ADGRL3: variants seen among roughly 807,000 people sequenced by gnomAD.
ADGRL3 encodes adhesion G protein-coupled receptor L3, also known as calcium-independent alpha-latrotoxin receptor 3.
ADGRL3 carries 62 observed loss-of-function variants against 153.5 expected under a neutral mutation model. The ratio of observed to expected loss-of-function variants is 0.40; its 90% CI spans 0.33 to 0.50. ADGRL3 has a LOEUF of 0.50. Ranked by LOEUF, ADGRL3 falls within the 20% of genes least tolerant of loss-of-function variation. The pLI is 0.47. For synonymous variants in ADGRL3, 710 were observed against 672.5 expected (o/e 1.06, Z -0.86); for missense variants, 1,641 against 1,859.4 (o/e 0.88, Z 2.16).
intron 5 of ADGRL3, among the ~76,000 whole-genome samples, chr4:61,659,633 T>C (rs1274933224): frequency 6.6e-6 from 1 of 152,184 alleles, no homozygotes; most frequent in Non-Finnish European, 1.5e-5. Context: ...AGGAATACCT[T>C]GAATCGAGAA....
chr4:61,659,517 AT>A (rs1279206417), intron 5 of ADGRL3, among the ~76,000 whole-genome samples: 1 of 152,174 alleles, frequency 6.6e-6, no homozygotes, highest in Non-Finnish European at 1.5e-5. Context: ...CTAATTTGCT[AT>A]TTAAAAAACA....
intron 9 of ADGRL3, among the ~76,000 whole-genome samples, chr4:61,818,570 C>T (rs1455912940): frequency 6.6e-6 from 1 of 152,138 alleles, no homozygotes; most frequent in Non-Finnish European, 1.5e-5. Flanking sequence ...ATGGTTCAGT[C>T]ACCTCCCACT....
intron 1 of ADGRL3, among the ~76,000 whole-genome samples, chr4:61,261,194 T>G (rs56236341): frequency 0.026 from 1,985 of 77,426 alleles, 27 homozygotes; most frequent in African/African-American, 0.049. Flanking sequence ...TTCTTCTTTT[T>G]TTTTTTTTTT....
intron 1 of ADGRL3, among the ~76,000 whole-genome samples, chr4:61,246,875 A>G (rs554082772): frequency 7.6e-4 from 116 of 152,044 alleles, no homozygotes; most frequent in South Asian, 4.1e-3. Context: ...AATTGGAATA[A>G]ATGCTAAGAT....
chr4:61,316,615 C>T (rs1185154226), intron 1 of ADGRL3, among the ~76,000 whole-genome samples: 1 of 152,040 alleles, frequency 6.6e-6, no homozygotes, highest in Non-Finnish European at 1.5e-5. Context: ...ACTGCTGGTG[C>T]GGTGGGAGTA....
chr4:61,445,466 T>C (rs1315991864), intron 2 of ADGRL3, among the ~76,000 whole-genome samples: 1 of 152,216 alleles, frequency 6.6e-6, no homozygotes, highest in East Asian at 1.9e-4. Flanking sequence ...TAACTTGGGT[T>C]CTAAAGTGCA....
intron 8 of ADGRL3, among the ~76,000 whole-genome samples, chr4:61,788,923 C>G (rs1038228065): frequency 4.0e-5 from 6 of 151,850 alleles, no homozygotes; most frequent in African/African-American, 1.5e-4. Context: ...GTTTTAAAAC[C>G]AATTATGGAA....
intron 4 of ADGRL3, among the ~76,000 whole-genome samples, chr4:61,583,392 A>G (rs2098933898): frequency 6.6e-6 from 1 of 152,088 alleles, no homozygotes; most frequent in Non-Finnish European, 1.5e-5. Flanking sequence ...TCAGTAGGGG[A>G]GAGACCCCAA....
chr4:62,006,577 AT>A (rs34336604), intron 21 of ADGRL3, among the ~76,000 whole-genome samples: 34,844 of 130,586 alleles, frequency 0.27, 4,075 homozygotes, highest in South Asian at 0.41. Flanking sequence ...CAATGTATAG[AT>A]TTTTTTTTTT....
chr4:61,341,946 T>C (rs1389632514), intron 1 of ADGRL3, among the ~76,000 whole-genome samples: 1 of 152,196 alleles, frequency 6.6e-6, no homozygotes, highest in East Asian at 1.9e-4. Flanking sequence ...AAAATGTAAG[T>C]GTTCTTTCTT....
intron 2 of ADGRL3, among the ~76,000 whole-genome samples, chr4:61,429,615 C>T (rs1052781109): frequency 6.6e-6 from 1 of 152,018 alleles, no homozygotes; most frequent in Admixed American, 6.5e-5. Context: ...TATCAGCAAG[C>T]TCTATAAATT....
intron 5 of ADGRL3, among the ~76,000 whole-genome samples, chr4:61,631,011 CAT>C (rs988832612): frequency 6.6e-6 from 1 of 152,200 alleles, no homozygotes; most frequent in African/African-American, 2.4e-5. Context: ...CATGTCTTAG[CAT>C]AGCTCAACTT....
intron 5 of ADGRL3, among the ~76,000 whole-genome samples, chr4:61,599,610 G>A (rs2149501122): frequency 6.6e-6 from 1 of 152,300 alleles, no homozygotes; most frequent in Non-Finnish European, 1.5e-5. Flanking sequence ...TGAGATTACA[G>A]GCATGAGCCA....
chr4:61,716,551 A>C (rs2096120622), intron 6 of ADGRL3, among the ~76,000 whole-genome samples: 1 of 152,150 alleles, frequency 6.6e-6, no homozygotes, highest in South Asian at 2.1e-4. Flanking sequence ...TAAATGTTTT[A>C]ATCTATCGAT....
chr4:61,392,054 A>G (rs1349514849), intron 2 of ADGRL3, among the ~76,000 whole-genome samples: 5 of 144,092 alleles, frequency 3.5e-5, no homozygotes, highest in Non-Finnish European at 7.6e-5. Context: ...TATTTTTAGT[A>G]GAGATGGGGT....
intron 25 of ADGRL3, among the ~76,000 whole-genome samples, chr4:62,056,578 T>C (rs1284794120): frequency 2.0e-5 from 3 of 152,038 alleles, no homozygotes; most frequent in African/African-American, 7.2e-5. Flanking sequence ...GGTGTTCTAA[T>C]GCCATAGAAG....
chr4:61,209,918 G>T (rs901624064), intron 1 of ADGRL3, among the ~76,000 whole-genome samples: 2 of 152,056 alleles, frequency 1.3e-5, no homozygotes, highest in African/African-American at 2.4e-5. Flanking sequence ...AAGATATCAG[G>T]ATTTTCATAT....
At position 62,074,267 on chromosome 4, in the gene ADGRL3, A is replaced by C. The variant is rs1746489342; in HGVS notation, c.*3359A>C. ...AGCTTATTTAGCCAGCTAGAAGTAA[A>C]ACTTATGCCACCGAAACAAACAAAT... On this transcript the variant is annotated 3_prime_UTR_variant, in exon 27 of 27. Transcript: ENST00000683033. 1 of 152,012 alleles carries C rather than the reference A, an allele frequency of 6.6e-6. No homozygotes were observed. The highest frequency in any genetic ancestry group is 6.6e-5 in the Admixed American group (1 of 15,246). 9.4% of individuals were successfully genotyped at this position (152,012 alleles called of 1,614,324 possible). A position where few individuals can be genotyped will look rare whatever the true frequency, so the allele number is the denominator to read the frequency against.
intron 4 of ADGRL3, among the ~76,000 whole-genome samples, chr4:61,543,006 C>T (rs1446729042): frequency 1.3e-5 from 2 of 152,144 alleles, no homozygotes; most frequent in African/African-American, 4.8e-5. Context: ...ATTTTTTAGT[C>T]AGACTCACAG....
Sources: allele counts gnomAD v4.1 joint callset (sites outside exome capture counted in the v4.1 genomes callset), GRCh38; gene constraint gnomAD v4.1.1; transcripts MANE v1.5; gene names NCBI Gene and HGNC (gene_info 2026-07-23, HGNC 2026-07-21).